Variants in RIMKLB observed in about 807,000 individuals in gnomAD.
RIMKLB encodes beta-citrylglutamate synthase B.
A neutral mutation model predicts 32.0 loss-of-function variants in RIMKLB; 7 were observed. The observed-to-expected ratio is 0.22, with a 90% CI of 0.12 to 0.41. The LOEUF is 0.41. Among genes scored for constraint, RIMKLB ranks in the 10% least tolerant of loss-of-function variants. The pLI is 1.00. For synonymous variants in RIMKLB, 172 were observed against 185.1 expected, an observed-to-expected ratio of 0.93 and a Z score of 0.57; for missense variants, 289 against 498.7, an observed-to-expected ratio of 0.58 and a Z score of 4.00.
chr12:8,778,975 C>T (rs1025909296), downstream of RIMKLB: 1 of 152,180 alleles, frequency 6.6e-6, no homozygotes, highest in African/African-American at 2.4e-5. Context: ...CAGTCATTCC[C>T]TTTAAGCATC....
intron 5 of RIMKLB, among the ~76,000 whole-genome samples, chr12:8,773,008 A>C (rs1950528932): frequency 6.6e-6 from 1 of 151,894 alleles, no homozygotes. Context: ...AAAACCAATA[A>C]TACTTTTGCC....
chr12:8,765,237 T>C (rs1949857087), intron 5 of RIMKLB, among the ~76,000 whole-genome samples: 1 of 152,054 alleles, frequency 6.6e-6, no homozygotes, highest in South Asian at 2.1e-4. Context: ...ATTGAATAAT[T>C]TGTAGGCTTT....
chr12:8,760,348 G>A (rs1949416446), intron 5 of RIMKLB, among the ~76,000 whole-genome samples: 1 of 152,180 alleles, frequency 6.6e-6, no homozygotes, highest in Non-Finnish European at 1.5e-5. Flanking sequence ...TATCATTGAT[G>A]GACATTTGGG....
chr12:8,723,172 A>C (rs1232845072), intron 2 of RIMKLB, among the ~76,000 whole-genome samples: 3 of 152,282 alleles, frequency 2.0e-5, no homozygotes, highest in African/African-American at 7.2e-5. Flanking sequence ...TTAATCTTTC[A>C]ATTTAAAGTA....
chr12:8,708,617 A>G (rs1429809742), intron 1 of RIMKLB, among the ~76,000 whole-genome samples: 2 of 152,222 alleles, frequency 1.3e-5, no homozygotes, highest in Non-Finnish European at 2.9e-5. Flanking sequence ...TTAAAGTAGA[A>G]AAATTATTCC....
chr12:8,705,001 A>C (rs1477882897), intron 1 of RIMKLB, among the ~76,000 whole-genome samples: 4 of 140,508 alleles, frequency 2.8e-5, no homozygotes, highest in African/African-American at 5.8e-5. Flanking sequence ...CACACACACA[A>C]AACCCCAAAC....
At chr12:8,766,437 CA>C (rs1949973321) in intron 5 of RIMKLB, among the ~76,000 whole-genome samples, 3 of 152,160 alleles carry the variant, frequency 2.0e-5, no homozygotes, top group African/African-American at 7.2e-5. Flanking sequence ...GCTGCCCCAT[CA>C]ACATGCATTC....
chr12:8,763,286 T>C (rs2138049427), intron 5 of RIMKLB, among the ~76,000 whole-genome samples: 1 of 152,346 alleles, frequency 6.6e-6, no homozygotes, highest in South Asian at 2.1e-4. Context: ...CTGTTTTTTT[T>C]CTGTTACATG....
At chr12:8,754,161 A>G in intron 5 of RIMKLB, 68 bp downstream of exon 5, 1 of 1,197,396 alleles carries the variant, frequency 8.4e-7, no homozygotes. Flanking sequence ...GAGTATTCAT[A>G]TGTATGTAAC....
chr12:8,707,956 C>T lies in RIMKLB; in HGVS notation c.-56-5855C>T, dbSNP rs199739838. 1.3e-4 allele frequency among the ~76,000 whole-genome samples: 20 copies of T among 152,152 alleles called. No individual in the cohort carries two copies. In the East Asian group the frequency reaches 1.9e-3, roughly 15 times the overall value. On this transcript the variant is annotated intron_variant, in intron 1 of 5. Coordinates refer to ENST00000535829, the MANE Select transcript of RIMKLB (RefSeq NM_001297776.2). ...TTTTTATCCTATGTACAGTCTTTCC[C>T]GAAGCAAGCCTGTATTAACTGACAA...
Position 8,774,585 on chromosome 12 carries a change from T to C in RIMKLB, c.*801T>C. 2 of 985,022 alleles carry C rather than the reference T, an allele frequency of 2.0e-6. No individual in the cohort carries two copies. The highest frequency in any genetic ancestry group is 2.4e-6 in the Non-Finnish European group (2 of 829,286). The allele number at this position is 985,022 out of a possible 1,614,324, so 61.0% of individuals were successfully genotyped here. On this transcript the variant is annotated 3_prime_UTR_variant, in exon 6 of 6. Coordinates refer to ENST00000535829, the MANE Select transcript of RIMKLB (RefSeq NM_001297776.2). ...CTGTTAATGTTGCTTTTTTTTTTTT[T>C]TTTAATACATGCTAGTCTAACATTT...
At chr12:8,770,979 A>G (rs1950353246) in intron 5 of RIMKLB, among the ~76,000 whole-genome samples, 1 of 152,226 alleles carries the variant, frequency 6.6e-6, no homozygotes, top group Non-Finnish European at 1.5e-5. Flanking sequence ...AGGATATTTC[A>G]AAGGATACAG....
At chr12:8,682,803 T>TAAAAAAAAAAAAAAAAAAAAAAA (rs34405359) in intron 1 of RIMKLB, among the ~76,000 whole-genome samples, 1 of 132,430 alleles carries the variant, frequency 7.6e-6, no homozygotes, top group Non-Finnish European at 1.6e-5. Context: ...ATAAATAAAT[T>TAAAAAAAAAAAAAAAAAAAAAAA]AAAAAAAAAA....
upstream of RIMKLB, among the ~76,000 whole-genome samples, chr12:8,695,484 A>G (rs1406683931): frequency 6.6e-6 from 1 of 152,122 alleles, no homozygotes; most frequent in Admixed American, 6.5e-5. Context: ...AAAAAGTATG[A>G]TGTATGAATT....
At chr12:8,766,320 G>A (rs72475427) in intron 5 of RIMKLB, among the ~76,000 whole-genome samples, 4 of 151,994 alleles carry the variant, frequency 2.6e-5, no homozygotes, top group East Asian at 3.9e-4. Flanking sequence ...AAAGGGGTCC[G>A]GCTGCTGGAT....
chr12:8,704,249 G>C (rs1030243334), intron 1 of RIMKLB, among the ~76,000 whole-genome samples: 1 of 152,084 alleles, frequency 6.6e-6, no homozygotes, highest in African/African-American at 2.4e-5. Flanking sequence ...CGGGTGTGGC[G>C]GTGTGTGCTT....
At chr12:8,720,714 A>G (rs895011916) in intron 2 of RIMKLB, among the ~76,000 whole-genome samples, 5 of 151,952 alleles carry the variant, frequency 3.3e-5, no homozygotes, top group African/African-American at 9.7e-5. Flanking sequence ...TAATTTTTGC[A>G]TTTTTGGTAG....
rs868276421 is a variant in RIMKLB at position 8,769,779 on chromosome 12, C to T, written c.698-3542C>T. Among the ~76,000 whole-genome samples, 6 of 152,272 alleles carry T rather than the reference C, an allele frequency of 3.9e-5. No homozygotes were observed. The South Asian group carries it at 1.0e-3, about 26-fold the overall frequency. On this transcript the variant is annotated intron_variant, in intron 5 of 5. Coordinates refer to ENST00000535829, the MANE Select transcript of RIMKLB (RefSeq NM_001297776.2). Reference sequence around the variant, plus strand: ...CCTTGATACTTTATTTACTACTTCACTGTATCATCATAATAATAATGAAGT... The same window carrying T: ...CCTTGATACTTTATTTACTACTTCATTGTATCATCATAATAATAATGAAGT...
intron 2 of RIMKLB, among the ~76,000 whole-genome samples, chr12:8,748,444 C>T (rs1275856778): frequency 6.6e-6 from 1 of 151,254 alleles, no homozygotes; most frequent in Admixed American, 6.6e-5. Context: ...ATAGTTCTTA[C>T]AGTTTAGGCT....
Sources: allele counts gnomAD v4.1 joint callset (sites outside exome capture counted in the v4.1 genomes callset), GRCh38; gene constraint gnomAD v4.1.1; transcripts MANE v1.5; gene names NCBI Gene and HGNC (gene_info 2026-07-23, HGNC 2026-07-21).